PLXDC2: variants seen among roughly 807,000 people sequenced by gnomAD.
PLXDC2 encodes the protein plexin domain containing 2.
Under a neutral mutation model 68.9 loss-of-function variants are expected in PLXDC2, and 40 were observed. That is an observed-to-expected ratio of 0.58 (90% confidence interval 0.45 to 0.76). The LOEUF (loss-of-function observed/expected upper bound fraction) is 0.76, where lower values mean the gene tolerates loss of function less well. Among genes scored for constraint, PLXDC2 ranks in the 30% least tolerant of loss-of-function variants. PLXDC2 has a pLI of 0.00. For synonymous variants in PLXDC2, 243 were observed against 234.2 expected (o/e 1.04, Z -0.34); for missense variants, 644 against 661.9 (o/e 0.97, Z 0.30).
At chr10:19,981,766 G>T (rs990295803) in intron 1 of PLXDC2, among the ~76,000 whole-genome samples, 5 of 152,208 alleles carry the variant, frequency 3.3e-5, no homozygotes, top group African/African-American at 1.2e-4. Context: ...AACACAAAAA[G>T]TTGAAATTAT....
intron 5 of PLXDC2, among the ~76,000 whole-genome samples, chr10:20,146,570 C>A (rs1030662140): frequency 7.5e-6 from 1 of 132,498 alleles, no homozygotes; most frequent in African/African-American, 2.8e-5. Context: ...CACGGAGATG[C>A]CCGTGGAAGG....
At position 20,280,695 on chromosome 10, in the gene PLXDC2, T is replaced by C. The variant is rs1487591526; in HGVS notation, c.*876T>C. 1 of 152,032 alleles carries C rather than the reference T, an allele frequency of 6.6e-6. No individual in the cohort carries two copies. The allele number at this position is 152,032 out of a possible 1,614,324, so 9.4% of individuals were successfully genotyped here. The stretch of plus-strand genomic sequence containing the variant: ...GGCTGATGGAAACAAAAGGAAACAG[T>C]ATGAAGAGTTCCTTAATCATTTTTG... On this transcript the variant is annotated 3_prime_UTR_variant, in exon 14 of 14. Transcript: ENST00000377252.
At chr10:20,270,036 A>AT (rs1421816468) in intron 13 of PLXDC2, among the ~76,000 whole-genome samples, 1 of 145,432 alleles carries the variant, frequency 6.9e-6, no homozygotes, top group Admixed American at 6.9e-5. Context: ...ATAAAATAAA[A>AT]TAAAATAAAA....
intron 4 of PLXDC2, among the ~76,000 whole-genome samples, chr10:20,134,473 A>G (rs1340186922): frequency 6.6e-6 from 1 of 152,146 alleles, no homozygotes; most frequent in Admixed American, 6.5e-5. Context: ...CTGGCTAGAT[A>G]AGCATTTGGG....
rs960439130 is a variant in PLXDC2 at position 20,000,541 on chromosome 10, A to G, written c.113-1234A>G. On this transcript the variant is annotated intron_variant, in intron 1 of 13. Coordinates refer to ENST00000377252, the MANE Select transcript of PLXDC2 (RefSeq NM_032812.9). ...TAAGAGATCTTTTACTGTATGCATC[A>G]TGACATCAGACAATCAGAGATCTTT... 1.4e-4 allele frequency among the ~76,000 whole-genome samples: 21 copies of G among 152,306 alleles called. No individual in the cohort carries two copies. The East Asian group carries it at 3.7e-3, about 27-fold the overall frequency.
intron 6 of PLXDC2, among the ~76,000 whole-genome samples, chr10:20,155,002 A>G (rs1305926773): frequency 6.6e-6 from 1 of 152,154 alleles, no homozygotes; most frequent in African/African-American, 2.4e-5. Context: ...GAGGAGGTCA[A>G]TATAGAGGAA....
At chr10:20,003,276 C>T (rs1834972560) in intron 2 of PLXDC2, among the ~76,000 whole-genome samples, 2 of 152,158 alleles carry the variant, frequency 1.3e-5, no homozygotes, top group African/African-American at 4.8e-5. Context: ...TTTGCTCAGG[C>T]ACGGCTTCGG....
At chr10:20,272,773 C>A (rs1835956204) in intron 13 of PLXDC2, among the ~76,000 whole-genome samples, 1 of 152,188 alleles carries the variant, frequency 6.6e-6, no homozygotes, top group African/African-American at 2.4e-5. Flanking sequence ...TTTTGCTGAT[C>A]TAAGCATTAA....
intron 4 of PLXDC2, among the ~76,000 whole-genome samples, chr10:20,136,972 C>T (rs1324688587): frequency 6.6e-6 from 1 of 152,142 alleles, no homozygotes; most frequent in Non-Finnish European, 1.5e-5. Context: ...TTACAAAGTG[C>T]TTGTTGCATC....
intron 10 of PLXDC2, among the ~76,000 whole-genome samples, chr10:20,213,507 G>A (rs1564355601): frequency 2.6e-5 from 4 of 151,858 alleles, no homozygotes; most frequent in Admixed American, 2.6e-4. Flanking sequence ...GTATTTTAGG[G>A]CTTTTGTCCT....
rs577986267 is a variant in PLXDC2 at position 19,840,759 on chromosome 10, A to G, written c.112+23568A>G. 5.3e-5 allele frequency among the ~76,000 whole-genome samples: 8 copies of G among 152,234 alleles called. No individual in the cohort carries two copies. In the East Asian group the frequency reaches 7.7e-4, roughly 15 times the overall value. ...TATCCTCATTATTGCAGTAAATATC[A>G]TATGTGTGATATTACGTGATTGAAG... On this transcript the variant is annotated intron_variant, in intron 1 of 13. Coordinates refer to ENST00000377252, the MANE Select transcript of PLXDC2 (RefSeq NM_032812.9).
At chr10:20,120,567 C>A (rs1185431260) in intron 4 of PLXDC2, among the ~76,000 whole-genome samples, 1 of 148,800 alleles carries the variant, frequency 6.7e-6, no homozygotes, top group Non-Finnish European at 1.5e-5. Context: ...GAAATGACTG[C>A]GGTGGCCTTC....
chr10:20,085,643 A>G (rs1418799302), intron 4 of PLXDC2, among the ~76,000 whole-genome samples: 1 of 152,158 alleles, frequency 6.6e-6, no homozygotes, highest in East Asian at 1.9e-4. Context: ...AGTGATATGG[A>G]TATGCGGACC....
chr10:19,889,542 A>G (rs563811898), intron 1 of PLXDC2, among the ~76,000 whole-genome samples: 4 of 152,174 alleles, frequency 2.6e-5, no homozygotes, highest in East Asian at 1.9e-4. Context: ...TTAAGTGACC[A>G]CAAGTATGCT....
intron 2 of PLXDC2, among the ~76,000 whole-genome samples, chr10:20,034,100 T>G (rs946949796): frequency 2.0e-5 from 3 of 152,188 alleles, no homozygotes; most frequent in Admixed American, 1.3e-4. Flanking sequence ...CCTTCAAGGT[T>G]TAGCTATACA....
At chr10:20,226,167 G>T (rs1835284787) in intron 12 of PLXDC2, among the ~76,000 whole-genome samples, 1 of 152,188 alleles carries the variant, frequency 6.6e-6, no homozygotes, top group Admixed American at 6.5e-5. Context: ...GTGGCAACAA[G>T]AAATTATTTC....
chr10:19,943,773 A>C (rs915690095), intron 1 of PLXDC2, among the ~76,000 whole-genome samples: 5 of 152,242 alleles, frequency 3.3e-5, no homozygotes, highest in African/African-American at 1.2e-4. Context: ...TTGTCCTTTT[A>C]GATCTATTAA....
intron 1 of PLXDC2, among the ~76,000 whole-genome samples, chr10:19,819,562 C>T (rs1178286469): frequency 6.6e-6 from 1 of 152,214 alleles, no homozygotes; most frequent in East Asian, 1.9e-4. Context: ...ACAGGAACAA[C>T]ATCTGATTTC....
chr10:19,963,397 T>C (rs565723931), intron 1 of PLXDC2, among the ~76,000 whole-genome samples: 1 of 152,324 alleles, frequency 6.6e-6, no homozygotes, highest in South Asian at 2.1e-4. Context: ...CTTAATCCAG[T>C]CTATCATTGT....
Sources: allele counts gnomAD v4.1 joint callset (sites outside exome capture counted in the v4.1 genomes callset), GRCh38; gene constraint gnomAD v4.1.1; transcripts MANE v1.5; gene names NCBI Gene and HGNC (gene_info 2026-07-23, HGNC 2026-07-21).